The following ANKS1A variants were observed in gnomAD, a reference collection of about 807,000 sequenced individuals.
ANKS1A encodes ankyrin repeat and SAM domain-containing protein 1A.
In ANKS1A, 55 loss-of-function variants were observed where a neutral mutation model predicts 120.3. The observed-to-expected ratio is 0.46, with a 90% confidence interval of 0.37 to 0.57. The LOEUF is 0.57. Ranked by LOEUF, ANKS1A falls within the 20% of genes least tolerant of loss-of-function variation. ANKS1A has a pLI of 0.00. For missense variants in ANKS1A, 1,123 were observed against 1,480.3 expected, an observed-to-expected ratio of 0.76 and a Z score of 3.96; for synonymous variants, 590 against 604.7, an observed-to-expected ratio of 0.98 and a Z score of 0.36.
chr6:35,025,717 A>T, intron 11 of ANKS1A, among the ~76,000 whole-genome samples: 1 of 150,438 alleles, frequency 6.6e-6, no homozygotes, highest in Non-Finnish European at 1.5e-5. Flanking sequence ...TTATTTTTAC[A>T]GGTGGAGTTA....
Position 34,889,525 on chromosome 6 carries a change from GGGCGGCGGCGGCGGCAGC to G in ANKS1A, c.139_156del (p.Ser47_Gly52del), listed in dbSNP as rs759273970. 41 of 1,272,058 alleles carry G rather than the reference GGGCGGCGGCGGCGGCAGC, an allele frequency of 3.2e-5. 1 individual carries two copies. Among genetic ancestry groups the G allele is most frequent in the South Asian group, 1.4e-4 (4 of 28,700 alleles). 78.8% of individuals were successfully genotyped at this position (1,272,058 alleles called of 1,614,324 possible). On this transcript the variant is annotated inframe_deletion, in exon 1 of 24. Coordinates refer to ENST00000360359, the MANE Select transcript of ANKS1A (RefSeq NM_015245.3). The surrounding 1 kb of genome is among the most constrained non-coding windows in gnomAD (Gnocchi z 5.5). Reference sequence around the variant, plus strand: ...GGGGCGGCGGCGGCGGTGGCTCTGGGGGCGGCGGCGGCGGCAGCGGCGGCGGCGGCGGCGGCCTCGGCT... The same window carrying G: ...GGGGCGGCGGCGGCGGTGGCTCTGGGGGCGGCGGCGGCGGCGGCCTCGGCT...
At chr6:34,943,276 G>A (rs1347631091) in intron 1 of ANKS1A, among the ~76,000 whole-genome samples, 2 of 152,126 alleles carry the variant, frequency 1.3e-5, no homozygotes, top group African/African-American at 4.8e-5. Context: ...TAGGTTTATA[G>A]AAAAATTGCT....
intron 13 of ANKS1A, among the ~76,000 whole-genome samples, chr6:35,076,145 C>T (rs1181445803): frequency 6.6e-5 from 10 of 152,198 alleles, no homozygotes; most frequent in African/African-American, 1.9e-4. Flanking sequence ...TGAGGCTGTC[C>T]GGGCGCAGTG....
At chr6:34,997,195 A>AT (rs372595838) in intron 10 of ANKS1A, among the ~76,000 whole-genome samples, 107,252 of 130,268 alleles carry the variant, frequency 0.82, 45,688 homozygotes, top group Non-Finnish European at 0.93. Context: ...TATTGGTAGA[A>AT]TTTTTTTTTT....
chr6:34,991,691 CACATATATATACATAT>C (rs1772552012), intron 9 of ANKS1A, among the ~76,000 whole-genome samples: 1 of 28,582 alleles, frequency 3.5e-5, no homozygotes, highest in Non-Finnish European at 3.3e-4. Flanking sequence ...TACATATATA[CACATATATATACATAT>C]ATACACATAT....
At chr6:34,900,234 CT>C (rs1319792267) in intron 1 of ANKS1A, among the ~76,000 whole-genome samples, 2 of 152,204 alleles carry the variant, frequency 1.3e-5, no homozygotes, top group Non-Finnish European at 2.9e-5. Context: ...GATTCCAAAA[CT>C]TTTGCTTATA....
intron 1 of ANKS1A, among the ~76,000 whole-genome samples, chr6:34,902,651 T>C (rs1034589148): frequency 1.3e-5 from 2 of 150,436 alleles, no homozygotes; most frequent in African/African-American, 4.9e-5. Flanking sequence ...TTTTAAAAGA[T>C]GTCTTTTTCC....
At chr6:34,946,820 A>G (rs1204920383) in intron 1 of ANKS1A, among the ~76,000 whole-genome samples, 1 of 152,194 alleles carries the variant, frequency 6.6e-6, no homozygotes, top group East Asian at 1.9e-4. Flanking sequence ...TTTAGAGTCC[A>G]TAGACTTTCT....
intron 1 of ANKS1A, among the ~76,000 whole-genome samples, chr6:34,891,360 T>C (rs1475591954): frequency 1.3e-5 from 2 of 152,252 alleles, no homozygotes; most frequent in Admixed American, 6.5e-5. Context: ...GTTTATATTC[T>C]CAGTCCCTAG....
intron 11 of ANKS1A, among the ~76,000 whole-genome samples, chr6:35,020,730 G>T (rs547345460): frequency 6.6e-6 from 1 of 152,210 alleles, no homozygotes; most frequent in Non-Finnish European, 1.5e-5. Flanking sequence ...CTTAATTGAG[G>T]TTGGCTGTGT....
chr6:35,013,939 A>G (rs1581645108), intron 10 of ANKS1A, among the ~76,000 whole-genome samples: 1 of 152,220 alleles, frequency 6.6e-6, no homozygotes, highest in East Asian at 1.9e-4. Flanking sequence ...AACAATTTCA[A>G]CATCTATTGA....
intron 1 of ANKS1A, among the ~76,000 whole-genome samples, chr6:34,910,532 C>T (rs1767856379): frequency 6.6e-6 from 1 of 152,094 alleles, no homozygotes; most frequent in African/African-American, 2.4e-5. Flanking sequence ...CTACTACACT[C>T]CAGCCTGGGC....
chr6:35,043,367 C>A, intron 11 of ANKS1A, among the ~76,000 whole-genome samples: 1 of 152,144 alleles, frequency 6.6e-6, no homozygotes, highest in East Asian at 1.9e-4. Context: ...CAAACAGGAA[C>A]CTTGATGAGG....
rs1294740249 is a variant in ANKS1A, at chr6:34,958,637, CT to C, written c.198-8599del. Reference sequence around the variant, plus strand: ...AATCTCTTCAGCGGCATACAGGACCCTTTCTGATTTGACTCTGCCGGCCTGT... The same window carrying C: ...AATCTCTTCAGCGGCATACAGGACCCTTCTGATTTGACTCTGCCGGCCTGT... On this transcript the variant is annotated intron_variant, in intron 1 of 23. Coordinates refer to ENST00000360359, the MANE Select transcript of ANKS1A (RefSeq NM_015245.3). Among the ~76,000 whole-genome samples the C allele has an allele frequency of 1.2e-4, 18 of 152,316 alleles. No individual in the cohort carries two copies. In the East Asian group the frequency reaches 3.5e-3, roughly 29 times the overall value.
intron 11 of ANKS1A, among the ~76,000 whole-genome samples, chr6:35,048,614 A>G (rs1041568836): frequency 2.6e-5 from 4 of 151,898 alleles, no homozygotes; most frequent in African/African-American, 9.7e-5. Flanking sequence ...AATCACCCAG[A>G]CCCTGGCCAG....
rs1778273882 is a variant in ANKS1A at position 35,090,969 on chromosome 6, G to A, written c.*2360G>A. On this transcript the variant is annotated 3_prime_UTR_variant, in exon 24 of 24. Transcript: ENST00000360359. Reference sequence around the variant, plus strand: ...GGCCCTCCAGCGTCAGACACTAATGGGAGTTCCCGAGATGCTCGGGTTTGA... The same window carrying A: ...GGCCCTCCAGCGTCAGACACTAATGAGAGTTCCCGAGATGCTCGGGTTTGA... 1.0e-6 allele frequency: 1 copy of A among 985,736 alleles called. No homozygotes were observed. Among genetic ancestry groups the A allele is most frequent in the African/African-American group, 1.7e-5 (1 of 57,254 alleles). The allele number at this position is 985,736 out of a possible 1,614,324, so 61.1% of individuals were successfully genotyped here. A position where few individuals can be genotyped will look rare whatever the true frequency, so the allele number is the denominator to read the frequency against.
chr6:34,900,645 A>G (rs918782772), intron 1 of ANKS1A, among the ~76,000 whole-genome samples: 1 of 152,178 alleles, frequency 6.6e-6, no homozygotes, highest in African/African-American at 2.4e-5. Flanking sequence ...TGGTGAGGAA[A>G]CTGAAACACA....
chr6:34,902,536 C>A (rs1386070715), intron 1 of ANKS1A, among the ~76,000 whole-genome samples: 2 of 152,132 alleles, frequency 1.3e-5, no homozygotes, highest in Non-Finnish European at 2.9e-5. Flanking sequence ...GCGTGAGCTA[C>A]CGCGCCTGGC....
Position 34,889,521 on chromosome 6 carries a change from C to G in ANKS1A, c.119C>G (p.Ser40Cys), listed in dbSNP as rs1766683016. ...SGFGGGGGGG[S>C]GGGGGGSGGG... ...TTTGGGGGCGGCGGCGGCGGTGGCT[C>G]TGGGGGCGGCGGCGGCGGCAGCGGC... is the stretch of plus-strand genomic sequence containing the variant. Residue 40 changes from serine (S) to cysteine (C), a missense_variant, in exon 1 of 24, where the codon TCT (serine) becomes TGT (cysteine). This residue lies in a region of ANKS1A where 73 missense variants were observed against 82.2 expected (regional missense o/e 0.89). Transcript: ENST00000360359. The surrounding 1 kb of genome is among the most constrained non-coding windows in gnomAD (Gnocchi z 5.5). The G allele has an allele frequency of 3.2e-6, 4 of 1,267,080 alleles. No homozygotes were observed. In the Admixed American group the frequency reaches 1.3e-4, roughly 40 times the overall value. The allele number at this position is 1,267,080 out of a possible 1,614,324, so 78.5% of individuals were successfully genotyped here. A position where few individuals can be genotyped will look rare whatever the true frequency, so the allele number is the denominator to read the frequency against.
Sources: allele counts gnomAD v4.1 joint callset (sites outside exome capture counted in the v4.1 genomes callset), GRCh38; gene constraint gnomAD v4.1.1; regional missense constraint gnomAD v4.1.1; non-coding constraint Gnocchi (gnomAD v3.1); transcripts MANE v1.5; gene names NCBI Gene and HGNC (gene_info 2026-07-23, HGNC 2026-07-21).